FRMPD4: variants seen among roughly 807,000 people sequenced by gnomAD.
FRMPD4 encodes the protein FERM and PDZ domain containing 4.
FRMPD4 carries 22 observed loss-of-function variants against 94.1 expected under a neutral mutation model. The observed-to-expected ratio is 0.23, with a 90% CI of 0.17 to 0.33. FRMPD4 has a LOEUF of 0.33. Ranked by LOEUF, FRMPD4 falls within the 10% of genes least tolerant of loss-of-function variation. FRMPD4 has a pLI of 1.00. For missense variants in FRMPD4, 1,111 were observed against 1,339.9 expected (o/e 0.83, Z 2.67); for synonymous variants, 631 against 548.6 (o/e 1.15, Z -2.10).
At chrX:12,235,258 A>T (rs1198202312) in intron 1 of FRMPD4, among the ~76,000 whole-genome samples, 1 of 111,714 alleles carries the variant, frequency 9.0e-6, no homozygotes, top group African/African-American at 3.3e-5. Context: ...AGCTTTGAGG[A>T]TGAAATAATG....
chrX:12,421,016 G>T (rs1238401055), intron 1 of FRMPD4, among the ~76,000 whole-genome samples: 1 of 112,625 alleles, frequency 8.9e-6, no homozygotes, highest in Non-Finnish European at 1.9e-5. Flanking sequence ...AGTGATTTCA[G>T]TGCTTACAAA....
At chrX:12,267,745 G>A (rs951250513) in intron 1 of FRMPD4, among the ~76,000 whole-genome samples, 3 of 112,659 alleles carry the variant, frequency 2.7e-5, no homozygotes, top group African/African-American at 6.5e-5. Flanking sequence ...ACTGAGCAGA[G>A]GGGGAAAGGT....
intron 1 of FRMPD4, among the ~76,000 whole-genome samples, chrX:12,490,982 C>A (rs1267888632): frequency 1.8e-5 from 2 of 110,267 alleles, no homozygotes; most frequent in Middle Eastern, 4.3e-3. Flanking sequence ...AATGTATGCT[C>A]CTTTCAGTTT....
chrX:11,919,136 A>G (rs915677356), intron 3 of FRMPD4, among the ~76,000 whole-genome samples: 9 of 112,413 alleles, frequency 8.0e-5, no homozygotes, highest in African/African-American at 2.9e-4. Flanking sequence ...CATTGCTGGT[A>G]TTTTAGATTG....
intron 2 of FRMPD4, among the ~76,000 whole-genome samples, chrX:12,604,769 AAGCCTAGT>A (rs2059114960): frequency 9.0e-6 from 1 of 111,437 alleles, no homozygotes; most frequent in Non-Finnish European, 1.9e-5. Context: ...CCCAGGTATT[AAGCCTAGT>A]ACCCATTAGT....
At chrX:11,882,371 G>C (rs2053818913) in intron 3 of FRMPD4, among the ~76,000 whole-genome samples, 1 of 111,325 alleles carries the variant, frequency 9.0e-6, no homozygotes, top group Non-Finnish European at 1.9e-5. Flanking sequence ...AATAGTGTGA[G>C]TGGGGCTGGC....
chrX:12,046,064 A>G (rs2054783381), intron 3 of FRMPD4, among the ~76,000 whole-genome samples: 1 of 111,442 alleles, frequency 9.0e-6, no homozygotes. Flanking sequence ...AACCTTTATG[A>G]TAAAGTAAGA....
At chrX:11,829,297 T>C (rs1165192496) in intron 1 of FRMPD4, among the ~76,000 whole-genome samples, 10 of 112,127 alleles carry the variant, frequency 8.9e-5, no homozygotes, top group Admixed American at 3.8e-4. Flanking sequence ...ATATATAATA[T>C]ACTGGCAGAG....
Position 11,839,713 on chromosome X carries a change from A to G in FRMPD4, c.-161+16998A>G, listed in dbSNP as rs150595725. On this transcript the variant is annotated intron_variant, in intron 1 of 18. Coordinates refer to the FRMPD4 transcript ENST00000640291. The stretch of plus-strand genomic sequence containing the variant: ...TAGGATATACTCTGAGTTAATTTTC[A>G]TGTGTGGTATGTGGTAAGCCGCTAA... 9.9e-5 allele frequency among the ~76,000 whole-genome samples: 11 copies of G among 111,468 alleles called. No individual in the cohort carries two copies. In the East Asian group the frequency reaches 3.1e-3, roughly 31 times the overall value.
intron 1 of FRMPD4, among the ~76,000 whole-genome samples, chrX:12,323,750 C>T (rs2055244333): frequency 8.9e-6 from 1 of 111,752 alleles, no homozygotes; most frequent in Non-Finnish European, 1.9e-5. Flanking sequence ...AAATGGAAGT[C>T]AAGCTAAGGC....
At position 12,254,993 on chromosome X, in the gene FRMPD4, G is replaced by T. The variant is rs748372012; in HGVS notation, c.41+115981G>T. On this transcript the variant is annotated intron_variant, in intron 1 of 16. Transcript: ENST00000675598. ...CCCAATTTCATTAAGATCCTGCCCT[G>T]CACTGAGATCCAGGATTTGCCCTTC... is the stretch of plus-strand genomic sequence containing the variant. Among the ~76,000 whole-genome samples, 119 of 111,425 alleles carry T rather than the reference G, an allele frequency of 1.1e-3. 1 individual carries two copies. Among genetic ancestry groups the T allele is most frequent in the Middle Eastern group, 4.6e-3 (1 of 217 alleles).
At chrX:11,912,593 T>C (rs2054002340) in intron 3 of FRMPD4, among the ~76,000 whole-genome samples, 1 of 111,713 alleles carries the variant, frequency 9.0e-6, no homozygotes, top group Non-Finnish European at 1.9e-5. Flanking sequence ...TGTGTGTACA[T>C]GGTAACAAAA....
At position 12,488,625 on chromosome X, in the gene FRMPD4, A is replaced by G. The variant is rs766913731; in HGVS notation, c.42-10055A>G. On this transcript the variant is annotated intron_variant, in intron 1 of 16. Transcript: ENST00000675598. ...CTTTGGGTCAAATGCTATGGAAAAT[A>G]GAATTTTTTTTTTCATTTTCCCTGA... Among the ~76,000 whole-genome samples the G allele has an allele frequency of 1.8e-4, 14 of 79,935 alleles. No homozygotes were observed. The South Asian group carries it at 0.011, about 61-fold the overall frequency. 69.4% of individuals were successfully genotyped at this position (79,935 alleles called of 115,157 possible).
intron 2 of FRMPD4, chrX:12,583,561 G>T: frequency 2.5e-6 from 2 of 811,528 alleles, no homozygotes; most frequent in East Asian, 3.5e-5. Flanking sequence ...ACGCTCCAGC[G>T]CAAGCCAGGC....
intron 1 of FRMPD4, among the ~76,000 whole-genome samples, chrX:12,463,681 G>GTGTTTTTTTTGTTTTTT (rs1555969426): frequency 2.0e-5 from 1 of 51,046 alleles, no homozygotes; most frequent in Non-Finnish European, 3.4e-5. Flanking sequence ...CTATGTGTGT[G>GTGTTTTTTTTGTTTTTT]TTTTTTTTTT....
chrX:12,031,703 T>A (rs1302913734), intron 3 of FRMPD4, among the ~76,000 whole-genome samples: 1 of 111,790 alleles, frequency 8.9e-6, no homozygotes, highest in Non-Finnish European at 1.9e-5. Context: ...GGTCTGGAAT[T>A]TGAACTGTAA....
chrX:12,711,563 A>C (rs1203379787), intron 14 of FRMPD4, among the ~76,000 whole-genome samples: 1 of 111,428 alleles, frequency 9.0e-6, no homozygotes, highest in Non-Finnish European at 1.9e-5. Context: ...TCAGTTACTT[A>C]AGCATTTTAC....
At chrX:12,719,850 G>GAA (rs144128819) in intron 16 of FRMPD4, among the ~76,000 whole-genome samples, 6 of 104,213 alleles carry the variant, frequency 5.8e-5, no homozygotes, top group African/African-American at 1.7e-4. Context: ...TTTTCTTAAA[G>GAA]AAAAAAAAAA....
intron 3 of FRMPD4, among the ~76,000 whole-genome samples, chrX:11,955,228 TATC>T (rs2054248187): frequency 9.0e-6 from 1 of 111,112 alleles, no homozygotes; most frequent in Non-Finnish European, 1.9e-5. Context: ...CACCTCCTAA[TATC>T]ATCACCTTAG....
Sources: allele counts gnomAD v4.1 joint callset (sites outside exome capture counted in the v4.1 genomes callset), GRCh38; gene constraint gnomAD v4.1.1; transcripts MANE v1.5; gene names NCBI Gene and HGNC (gene_info 2026-07-23, HGNC 2026-07-21).